The following PTPRN2 variants were observed in gnomAD, a reference collection of about 807,000 sequenced individuals.
PTPRN2 encodes the protein protein tyrosine phosphatase receptor type N2.
PTPRN2 carries 74 observed loss-of-function variants against 118.8 expected under a neutral mutation model. The ratio of observed to expected loss-of-function variants is 0.62; its 90% CI spans 0.52 to 0.76. The LOEUF (loss-of-function observed/expected upper bound fraction) is 0.76, where lower values mean the gene tolerates loss of function less well. Ranked by LOEUF, PTPRN2 falls within the 30% of genes least tolerant of loss-of-function variation. The pLI, the probability that PTPRN2 is intolerant of heterozygous loss-of-function variation, is 0.00. For synonymous variants in PTPRN2, 641 were observed against 608.0 expected (o/e 1.05, Z -0.80); for missense variants, 1,481 against 1,394.4 (o/e 1.06, Z -0.99).
At chr7:157,613,965 T>C (rs563655774) in intron 15 of PTPRN2, 91 of 468,122 alleles carry the variant, frequency 1.9e-4, no homozygotes, top group African/African-American at 1.5e-3. Flanking sequence ...GTCACAACTG[T>C]GACTCTGTGA....
intron 9 of PTPRN2, among the ~76,000 whole-genome samples, chr7:158,131,373 CA>C (rs1818262919): frequency 2.3e-5 from 2 of 85,580 alleles, no homozygotes; most frequent in Non-Finnish European, 4.4e-5. Flanking sequence ...ATCTACCCGA[CA>C]CACACACTCA....
rs141071765 is a variant in PTPRN2, at chr7:157,897,218, C to A, written c.1788+1455G>T. On this transcript the variant is annotated intron_variant, in intron 12 of 22. Coordinates refer to ENST00000389418, the MANE Select transcript of PTPRN2 (RefSeq NM_002847.5). The stretch of plus-strand genomic sequence containing the variant: ...AAGGGAGAGGAAAGACAGGAGGACA[C>A]CACAGCTCCTTGTACACGCAGGAGA... Among the ~76,000 whole-genome samples the A allele has an allele frequency of 3.5e-4, 54 of 152,262 alleles. 1 individual carries two copies. Among genetic ancestry groups the A allele is most frequent in the Admixed American group, 1.0e-3 (16 of 15,296 alleles).
chr7:158,489,530 T>A (rs938552854), intron 2 of PTPRN2, among the ~76,000 whole-genome samples: 5 of 152,202 alleles, frequency 3.3e-5, no homozygotes, highest in Non-Finnish European at 7.4e-5. Context: ...GTGCGAGCGA[T>A]GGGCGCCCAG....
rs1796655482 is a variant in PTPRN2 at position 157,676,113 on chromosome 7, T to A, written c.2001+6612A>T. ...CACGAACTCAAAGAGCTGACCTCTC[T>A]GGGCCGGCACACAACTTGCAGCCGA... is the stretch of plus-strand genomic sequence containing the variant. On this transcript the variant is annotated intron_variant, in intron 13 of 22. Coordinates refer to ENST00000389418, the MANE Select transcript of PTPRN2 (RefSeq NM_002847.5). This position sits in a 1 kb window ranked among gnomAD's most constrained non-coding sequence, Gnocchi z 5.6. 6.6e-6 allele frequency among the ~76,000 whole-genome samples: 1 copy of A among 152,086 alleles called. No individual in the cohort carries two copies. The highest frequency in any genetic ancestry group is 2.1e-4 in the South Asian group (1 of 4,820).
intron 2 of PTPRN2, among the ~76,000 whole-genome samples, chr7:158,467,233 T>A (rs1003397606): frequency 6.6e-6 from 1 of 150,942 alleles, no homozygotes; most frequent in African/African-American, 2.4e-5. Flanking sequence ...TCTATTCAGG[T>A]TCTTTGCCCT....
At chr7:158,281,768 A>G (rs1406922491) in intron 3 of PTPRN2, among the ~76,000 whole-genome samples, 1 of 152,198 alleles carries the variant, frequency 6.6e-6, no homozygotes, top group Non-Finnish European at 1.5e-5. Flanking sequence ...ATCCCCATCC[A>G]TGCTCCTAGA....
At chr7:158,523,715 G>A (rs1425505338) in intron 1 of PTPRN2, among the ~76,000 whole-genome samples, 3 of 124,378 alleles carry the variant, frequency 2.4e-5, no homozygotes, top group Non-Finnish European at 1.7e-5. Context: ...GTCTGCCCTG[G>A]AGTGGAGTCT....
chr7:158,322,312 CT>C (rs1488728343), intron 2 of PTPRN2, among the ~76,000 whole-genome samples: 1 of 152,254 alleles, frequency 6.6e-6, no homozygotes, highest in Non-Finnish European at 1.5e-5. Flanking sequence ...ATGTTCACCA[CT>C]GATGGTTCGG....
intron 15 of PTPRN2, 77 bp from the exon 16 acceptor site, chr7:157,604,152 C>A: frequency 1.5e-6 from 2 of 1,358,722 alleles, no homozygotes; most frequent in Non-Finnish European, 2.1e-6. Flanking sequence ...GCCTCCAGGG[C>A]CCCCCACCCA....
chr7:158,179,821 C>G (rs1274990964), intron 5 of PTPRN2, among the ~76,000 whole-genome samples: 1 of 152,220 alleles, frequency 6.6e-6, no homozygotes. Flanking sequence ...CTTGCCATGA[C>G]AACACCAAGG....
Position 157,621,387 on chromosome 7 carries a change from C to T in PTPRN2, c.2319G>A (p.Lys773=), listed in dbSNP as rs1170608221. The T allele has an allele frequency of 1.9e-6, 3 of 1,613,934 alleles. No individual in the cohort carries two copies. Among genetic ancestry groups the T allele is most frequent in the Admixed American group, 3.3e-5 (2 of 60,004 alleles). The part of the protein sequence containing the change: ...FVAQREENVP[K]NRSLAVLTYD... ...AGGTCAGCACGGCCAGGGAGCGGTT[C>T]TTGGGCACGTTCTCCTCCCTCTGGG... Residue 773 remains lysine (K), a synonymous_variant, in exon 15 of 23, where the codon AAG becomes AAA. Coordinates refer to ENST00000389418, the MANE Select transcript of PTPRN2 (RefSeq NM_002847.5).
rs556354300 is a variant in PTPRN2, at chr7:157,605,896, C to T, written c.2345-1821G>A. The stretch of plus-strand genomic sequence containing the variant: ...CTGATCCACAGGACTTGCAGCCCAG[C>T]CCCCAGCCTTCAAACCCTCCCTGGC... On this transcript the variant is annotated intron_variant, in intron 15 of 22. Coordinates refer to ENST00000389418, the MANE Select transcript of PTPRN2 (RefSeq NM_002847.5). Among the ~76,000 whole-genome samples, 8 of 152,358 alleles carry T rather than the reference C, an allele frequency of 5.3e-5. 1 individual carries two copies. The South Asian group carries it at 1.7e-3, about 32-fold the overall frequency.
chr7:158,543,375 G>A (rs1826106071), intron 1 of PTPRN2, among the ~76,000 whole-genome samples: 2 of 152,240 alleles, frequency 1.3e-5, no homozygotes, highest in African/African-American at 4.8e-5. Context: ...GTTCCCAGCA[G>A]GGCTGTGCCC....
In PTPRN2 at chr7:157,676,137, G is replaced by A. The variant is rs969447329; in HGVS notation, c.2001+6588C>T. The stretch of plus-strand genomic sequence containing the variant: ...CTGGGCCGGCACACAACTTGCAGCC[G>A]AGTCCTTTCCACGACACCCCAGCTC... On this transcript the variant is annotated intron_variant, in intron 13 of 22. Coordinates refer to ENST00000389418, the MANE Select transcript of PTPRN2 (RefSeq NM_002847.5). This position sits in a 1 kb window ranked among gnomAD's most constrained non-coding sequence, Gnocchi z 5.6. Among the ~76,000 whole-genome samples the A allele has an allele frequency of 2.0e-5, 3 of 152,008 alleles. No homozygotes were observed. The highest frequency in any genetic ancestry group is 4.2e-4 in the South Asian group (2 of 4,808).
chr7:158,017,329 A>G (rs955326597), intron 11 of PTPRN2, among the ~76,000 whole-genome samples: 8 of 152,108 alleles, frequency 5.3e-5, no homozygotes, highest in Non-Finnish European at 2.9e-5. Context: ...CAGGGAGTCC[A>G]GTGCTCCTGA....
At position 158,226,694 on chromosome 7, in the gene PTPRN2, G is replaced by A. The variant is rs1302222779; in HGVS notation, c.278-21421C>T. Among the ~76,000 whole-genome samples, 347 of 140,550 alleles carry A rather than the reference G, an allele frequency of 2.5e-3. 1 individual carries two copies. The highest frequency in any genetic ancestry group is 8.8e-3 in the African/African-American group (328 of 37,234). The allele number at this position is 140,550 out of a possible 152,430, so 92.2% of individuals were successfully genotyped here. A position where few individuals can be genotyped will look rare whatever the true frequency, so the allele number is the denominator to read the frequency against. On this transcript the variant is annotated intron_variant, in intron 3 of 22. Transcript: ENST00000389418. ...TTCCCTTTTTTTTTTTTTTTTTTCCGGTGGTATCCAAGAGTAAGATATGCA... is the reference window on the plus strand; with the variant it reads ...TTCCCTTTTTTTTTTTTTTTTTTCCAGTGGTATCCAAGAGTAAGATATGCA...
chr7:157,540,969 A>T (rs1447927168), intron 22 of PTPRN2, among the ~76,000 whole-genome samples, 184 bp from the exon 23 acceptor site: 1 of 152,238 alleles, frequency 6.6e-6, no homozygotes, highest in Non-Finnish European at 1.5e-5. Flanking sequence ...TTTCCTTAGA[A>T]AGGACAGTGT....
At chr7:158,391,777 C>T (rs1294281276) in intron 2 of PTPRN2, among the ~76,000 whole-genome samples, 1 of 152,172 alleles carries the variant, frequency 6.6e-6, no homozygotes. Context: ...AGTGCCAGGC[C>T]CTGGTCAGTA....
intron 12 of PTPRN2, among the ~76,000 whole-genome samples, chr7:157,712,633 C>A (rs1798702515): frequency 6.6e-6 from 1 of 151,836 alleles, no homozygotes. Context: ...CACCTGTAAT[C>A]TCAGCTACTT....
Sources: allele counts gnomAD v4.1 joint callset (sites outside exome capture counted in the v4.1 genomes callset), GRCh38; gene constraint gnomAD v4.1.1; non-coding constraint Gnocchi (gnomAD v3.1); transcripts MANE v1.5; gene names NCBI Gene and HGNC (gene_info 2026-07-23, HGNC 2026-07-21).